LPAR5: variants seen among roughly 807,000 people sequenced by gnomAD.
LPAR5 encodes G protein-coupled receptor 92.
For missense variants in LPAR5, 544 were observed against 521.8 expected (o/e 1.04, Z -0.41); for synonymous variants, 271 against 261.6 (o/e 1.04, Z -0.35).
intron 1 of LPAR5, among the ~76,000 whole-genome samples, chr12:6,624,894 A>G (rs1948923102): frequency 3.3e-5 from 5 of 152,070 alleles, no homozygotes. Flanking sequence ...TGCTGGGATT[A>G]CAGATGTGAG....
At chr12:6,626,704 T>C (rs1948942635) in intron 1 of LPAR5, among the ~76,000 whole-genome samples, 1 of 152,214 alleles carries the variant, frequency 6.6e-6, no homozygotes, top group Non-Finnish European at 1.5e-5. Context: ...TGCCTTTGTA[T>C]GTGGTGTTTC....
chr12:6,622,010 C>T (rs1238462088), intron 1 of LPAR5, among the ~76,000 whole-genome samples: 2 of 151,610 alleles, frequency 1.3e-5, no homozygotes, highest in African/African-American at 2.4e-5. Flanking sequence ...CACCTGTAAT[C>T]CCAGCTACTC....
intron 1 of LPAR5, among the ~76,000 whole-genome samples, chr12:6,626,060 A>AT (rs748250267): frequency 1.5e-4 from 23 of 152,258 alleles, no homozygotes; most frequent in Non-Finnish European, 1.3e-4. Flanking sequence ...ACTTGAGGTC[A>AT]GGAGCTCGAA....
chr12:6,629,882 A>G (rs1001825572), intron 1 of LPAR5, among the ~76,000 whole-genome samples: 2 of 149,396 alleles, frequency 1.3e-5, no homozygotes, highest in African/African-American at 4.9e-5. Flanking sequence ...AAAATTAGCC[A>G]GGCATGGTGG....
chr12:6,631,243 C>T (rs776132419), intron 1 of LPAR5, among the ~76,000 whole-genome samples: 4 of 152,308 alleles, frequency 2.6e-5, no homozygotes, highest in Non-Finnish European at 4.4e-5. Flanking sequence ...GATGTGCACA[C>T]AAGACCCCTA....
chr12:6,621,181 CGGTGGGTA>C lies in LPAR5; in HGVS notation c.60_67del (p.Thr21ProfsTer40). Reference sequence around the variant, plus strand: ...CAAGCTGTAGACCACCAAGTGCAGGCGGTGGGTAGGTCGGTAGTCAGGACACGGGAGAA... The same window carrying C: ...CAAGCTGTAGACCACCAAGTGCAGGCGGTCGGTAGTCAGGACACGGGAGAA... On this transcript the variant is annotated frameshift_variant, in exon 2 of 2. Transcript: ENST00000329858. LOFTEE classifies it low-confidence loss of function (END_TRUNC). The C allele has an allele frequency of 6.4e-7, 1 of 1,567,710 alleles. No individual in the cohort carries two copies. The highest frequency in any genetic ancestry group is 8.6e-7 in the Non-Finnish European group (1 of 1,157,230).
rs569551081 is a variant in LPAR5 at position 6,621,279 on chromosome 12, G to T, written c.-31C>A. On this transcript the variant is annotated 5_prime_UTR_variant, in exon 2 of 2. Transcript: ENST00000329858. ...CAAAGTGGGATTGGGAGCTAGGCTGGGGATGCCATGGAGCACACCAGAATC... is the reference window on the plus strand; with the variant it reads ...CAAAGTGGGATTGGGAGCTAGGCTGTGGATGCCATGGAGCACACCAGAATC... The T allele has an allele frequency of 6.8e-7, 1 of 1,480,310 alleles. No individual in the cohort carries two copies. Among genetic ancestry groups the T allele is most frequent in the South Asian group, 1.5e-5 (1 of 67,924 alleles). 91.7% of individuals were successfully genotyped at this position (1,480,310 alleles called of 1,614,324 possible). A position where few individuals can be genotyped will look rare whatever the true frequency, so the allele number is the denominator to read the frequency against.
At chr12:6,628,117 G>C (rs1948955420) in intron 1 of LPAR5, among the ~76,000 whole-genome samples, 1 of 148,020 alleles carries the variant, frequency 6.8e-6, no homozygotes, top group South Asian at 2.1e-4. Flanking sequence ...TGCCTCCCGG[G>C]TTCACGCCAT....
At chr12:6,621,485 G>C in intron 1 of LPAR5, 21 bp from the exon 2 acceptor site, 1 of 420,092 alleles carries the variant, frequency 2.4e-6, no homozygotes, top group East Asian at 3.8e-5. Flanking sequence ...AAGGCAAGCC[G>C]GAAGTTATAC....
chr12:6,626,320 G>A (rs546163952), intron 1 of LPAR5, among the ~76,000 whole-genome samples: 1 of 152,196 alleles, frequency 6.6e-6, no homozygotes, highest in South Asian at 2.1e-4. Context: ...TGACTGTGTT[G>A]CCCAGGCTGG....
chr12:6,620,415 CACCCCGCGCACGCGA>C lies in LPAR5; in HGVS notation c.819_833del (p.Asp273_Val278delinsGlu). 1 of 1,609,172 alleles carries C rather than the reference CACCCCGCGCACGCGA, an allele frequency of 6.2e-7. No individual in the cohort carries two copies. The highest frequency in any genetic ancestry group is 8.5e-7 in the Non-Finnish European group (1 of 1,178,194). The stretch of plus-strand genomic sequence containing the variant: ...CGGCCAGCAGCACCATCACCATCAG[CACCCCGCGCACGCGA>C]TCGCGGGCAGGCACGCTGGCCGCCA... On this transcript the variant is annotated inframe_deletion, in exon 2 of 2. Transcript: ENST00000329858. The surrounding 1 kb of genome is among the most constrained non-coding windows in gnomAD (Gnocchi z 6.8).
chr12:6,620,389 C>G lies in LPAR5; in HGVS notation c.860G>C (p.Gly287Ala). Residue 287 changes from glycine (G) to alanine (A), a missense_variant, in exon 2 of 2, where the codon GGC (glycine) becomes GCC (alanine). Physicochemically the swap from Gly to Ala is moderately conservative, Grantham distance 60. Transcript: ENST00000329858. This position sits in a 1 kb window ranked among gnomAD's most constrained non-coding sequence, Gnocchi z 6.8. ...GVLMVMVLLAGANCVLDPLVY... is the reference protein window; with the variant it reads ...GVLMVMVLLAAANCVLDPLVY... ...CAGCGGGTCCAGCACGCAGTTGGCG[C>G]CGGCCAGCAGCACCATCACCATCAG... 1 of 1,611,510 alleles carries G rather than the reference C, an allele frequency of 6.2e-7. No homozygotes were observed. The highest frequency in any genetic ancestry group is 1.1e-5 in the South Asian group (1 of 90,946).
chr12:6,619,745 C>G lies in LPAR5; in HGVS notation c.*385G>C. On this transcript the variant is annotated 3_prime_UTR_variant, in exon 2 of 2. Transcript: ENST00000329858. The stretch of plus-strand genomic sequence containing the variant: ...GTAGCTTTGTCCACCAAACCTGGTG[C>G]TCTTCAGCTCTCAGGCCCCTGTGGC... 2.7e-6 allele frequency: 1 copy of G among 374,026 alleles called. No individual in the cohort carries two copies. Among genetic ancestry groups the G allele is most frequent in the South Asian group, 2.1e-5 (1 of 47,448 alleles). The allele number at this position is 374,026 out of a possible 1,614,324, so 23.2% of individuals were successfully genotyped here. A position where few individuals can be genotyped will look rare whatever the true frequency, so the allele number is the denominator to read the frequency against.
intron 1 of LPAR5, among the ~76,000 whole-genome samples, chr12:6,627,330 G>A (rs763521633): frequency 3.9e-5 from 6 of 152,114 alleles, no homozygotes; most frequent in Admixed American, 3.9e-4. Flanking sequence ...GGTGGCTCAC[G>A]CCTGTAATCC....
At chr12:6,635,110 G>A (rs1167667963) in intron 1 of LPAR5, among the ~76,000 whole-genome samples, 1 of 151,930 alleles carries the variant, frequency 6.6e-6, no homozygotes, top group African/African-American at 2.4e-5. Flanking sequence ...AGAAAGGAAG[G>A]AAGGAAGAGA....
chr12:6,633,498 C>T (rs937504102), intron 1 of LPAR5, among the ~76,000 whole-genome samples: 8 of 152,056 alleles, frequency 5.3e-5, no homozygotes, highest in African/African-American at 1.7e-4. Context: ...CTGCAACCTC[C>T]GCCTCCCGGG....
At chr12:6,627,357 C>T (rs1313345248) in intron 1 of LPAR5, among the ~76,000 whole-genome samples, 4 of 152,118 alleles carry the variant, frequency 2.6e-5, no homozygotes, top group East Asian at 1.9e-4. Flanking sequence ...TTTGGGAGGC[C>T]GAGGCAGGCG....
At chr12:6,628,631 CTT>C (rs1179212069) in intron 1 of LPAR5, among the ~76,000 whole-genome samples, 38 of 126,002 alleles carry the variant, frequency 3.0e-4, no homozygotes, top group African/African-American at 4.3e-4. Context: ...CAGCTAATTT[CTT>C]TTTTTTTTTT....
intron 1 of LPAR5, among the ~76,000 whole-genome samples, chr12:6,632,010 C>T (rs571747891): frequency 3.9e-5 from 6 of 152,192 alleles, no homozygotes; most frequent in East Asian, 1.9e-4. Flanking sequence ...CTCGCACTGT[C>T]GCCTGAGCTG....
Sources: allele counts gnomAD v4.1 joint callset (sites outside exome capture counted in the v4.1 genomes callset), GRCh38; gene constraint gnomAD v4.1.1; non-coding constraint Gnocchi (gnomAD v3.1); transcripts MANE v1.5; gene names NCBI Gene and HGNC (gene_info 2026-07-23, HGNC 2026-07-21).